Variants in SPATA31H1 observed in about 807,000 individuals in gnomAD.
SPATA31H1 encodes spermatogenesis-associated protein 31H1.
the SPATA31H1 span, chr2:27,579,382 A>T: frequency 6.2e-7 from 1 of 1,614,208 alleles, no homozygotes; most frequent in South Asian, 1.1e-5. Context: ...GAACTGATGG[A>T]ACCTTCCCAG....
At chr2:27,561,427 G>T in the SPATA31H1 span, among the ~76,000 whole-genome samples, 1 of 152,198 alleles carries the variant, frequency 6.6e-6, no homozygotes. Flanking sequence ...TAAATCAAGT[G>T]AATTAACATA....
the SPATA31H1 span, among the ~76,000 whole-genome samples, chr2:27,559,125 T>A: frequency 1.3e-5 from 2 of 152,246 alleles, no homozygotes; most frequent in Non-Finnish European, 2.9e-5. Flanking sequence ...ATTTTATATA[T>A]AATTTTGAAG....
At chr2:27,579,991 C>G in the SPATA31H1 span, 1 of 1,614,180 alleles carries the variant, frequency 6.2e-7, no homozygotes, top group Non-Finnish European at 8.5e-7. Flanking sequence ...CAGACCACTT[C>G]GGGGCCTTAT....
At chr2:27,541,335 G>C in the SPATA31H1 span, among the ~76,000 whole-genome samples, 1 of 151,522 alleles carries the variant, frequency 6.6e-6, no homozygotes, top group Non-Finnish European at 1.5e-5. Flanking sequence ...AGTGAGCCGA[G>C]ATGGCAGCAG....
the SPATA31H1 span, chr2:27,581,735 C>T: frequency 6.6e-5 from 107 of 1,613,122 alleles, 1 homozygote; most frequent in Admixed American, 6.0e-4. Context: ...ATCGCAGTCC[C>T]GCTCGGAGGA....
the SPATA31H1 span, chr2:27,578,414 T>C: frequency 1.5e-4 from 248 of 1,614,152 alleles, 2 homozygotes; most frequent in Middle Eastern, 6.6e-4. Flanking sequence ...TTCCTCAGGT[T>C]GTAGAACCAA....
the SPATA31H1 span, among the ~76,000 whole-genome samples, chr2:27,547,942 A>G: frequency 1.3e-5 from 2 of 151,428 alleles, no homozygotes; most frequent in East Asian, 3.9e-4. Flanking sequence ...AGTTAAACAC[A>G]ATACCATTAT....
At chr2:27,550,694 T>C in the SPATA31H1 span, among the ~76,000 whole-genome samples, 1 of 151,654 alleles carries the variant, frequency 6.6e-6, no homozygotes, top group Non-Finnish European at 1.5e-5. Context: ...GCTGAGATTA[T>C]AAGCATGAGT....
At chr2:27,559,227 A>G in the SPATA31H1 span, among the ~76,000 whole-genome samples, 2 of 152,202 alleles carry the variant, frequency 1.3e-5, no homozygotes, top group Non-Finnish European at 2.9e-5. Flanking sequence ...GATCATCTCA[A>G]TCCAATAAAG....
the SPATA31H1 span, chr2:27,575,457 G>T: frequency 2.5e-6 from 1 of 398,440 alleles, no homozygotes; most frequent in Non-Finnish European, 4.4e-6. This position sits in a 1 kb window ranked among gnomAD's most constrained non-coding sequence, Gnocchi z 4.1. Context: ...GTTGCAAGGT[G>T]TGAAATCTTC....
the SPATA31H1 span, among the ~76,000 whole-genome samples, chr2:27,543,713 C>T: frequency 6.6e-6 from 1 of 151,986 alleles, no homozygotes; most frequent in South Asian, 2.1e-4. Context: ...AAAAGTGTGT[C>T]TCAACCCCTC....
chr2:27,579,856 C>G, the SPATA31H1 span: 1 of 1,614,196 alleles, frequency 6.2e-7, no homozygotes, highest in African/African-American at 1.3e-5. Flanking sequence ...AAAATAGCAG[C>G]AAAACTCTTA....
chr2:27,576,130 T>C, the SPATA31H1 span: 6,243 of 403,056 alleles, frequency 0.015, 344 homozygotes, highest in African/African-American at 0.12. Flanking sequence ...ATAGATTCTA[T>C]GGAGTGCAAA....
chr2:27,560,184 A>G, the SPATA31H1 span, among the ~76,000 whole-genome samples: 1 of 152,088 alleles, frequency 6.6e-6, no homozygotes, highest in Non-Finnish European at 1.5e-5. Flanking sequence ...CTTTAAATAT[A>G]ATATGCATAG....
chr2:27,572,582 G>A, the SPATA31H1 span: 1 of 398,222 alleles, frequency 2.5e-6, no homozygotes, highest in Non-Finnish European at 4.4e-6. Flanking sequence ...TGCAAAAAGG[G>A]AAAATGCTAG....
At chr2:27,550,505 G>A in the SPATA31H1 span, among the ~76,000 whole-genome samples, 1,026 of 138,084 alleles carry the variant, frequency 7.4e-3, 5 homozygotes, top group East Asian at 0.027. Context: ...TGCAACCTCC[G>A]CCTCCTGGGT....
At chr2:27,579,069 G>C in the SPATA31H1 span, 2 of 1,614,008 alleles carry the variant, frequency 1.2e-6, no homozygotes, top group African/African-American at 2.7e-5. Context: ...GCAAATGGAG[G>C]AGCTAGAGAA....
the SPATA31H1 span, chr2:27,580,890 C>T: frequency 5.0e-6 from 8 of 1,614,190 alleles, no homozygotes; most frequent in South Asian, 8.8e-5. Flanking sequence ...ATCAGCTCAA[C>T]AGCCAAGAAG....
the SPATA31H1 span, among the ~76,000 whole-genome samples, chr2:27,563,809 C>T: frequency 6.6e-6 from 1 of 152,182 alleles, no homozygotes; most frequent in Non-Finnish European, 1.5e-5. Context: ...GATCCATCTG[C>T]CTCGGCCTCC....
Sources: allele counts gnomAD v4.1 joint callset (sites outside exome capture counted in the v4.1 genomes callset), GRCh38; gene constraint gnomAD v4.1.1; non-coding constraint Gnocchi (gnomAD v3.1); transcripts MANE v1.5; gene names NCBI Gene and HGNC (gene_info 2026-07-23, HGNC 2026-07-21).